C1orf198: variants seen among roughly 807,000 people sequenced by gnomAD.
C1orf198 encodes the protein uncharacterized protein C1orf198.
A neutral mutation model predicts 31.4 loss-of-function variants in C1orf198; 17 were observed. That is an observed-to-expected ratio of 0.54 (90% confidence interval 0.37 to 0.81). C1orf198 has a LOEUF of 0.81. Among genes scored for constraint, C1orf198 ranks in the 40% least tolerant of loss-of-function variants. The pLI, the probability that C1orf198 is intolerant of heterozygous loss-of-function variation, is 0.00. For missense variants in C1orf198, 401 were observed against 450.3 expected, an observed-to-expected ratio of 0.89 and a Z score of 0.99; for synonymous variants, 175 against 193.8, an observed-to-expected ratio of 0.90 and a Z score of 0.81.
At chr1:230,862,472 T>C (rs1670024712) in intron 1 of C1orf198, among the ~76,000 whole-genome samples, 1 of 152,186 alleles carries the variant, frequency 6.6e-6, no homozygotes, top group Non-Finnish European at 1.5e-5. Flanking sequence ...CCAAGATGTG[T>C]TTCAGTTATT....
At position 230,838,841 on chromosome 1, in the gene C1orf198, C is replaced by A. The variant is rs1467443534; in HGVS notation, c.*1011G>T. 1 of 152,470 alleles carries A rather than the reference C, an allele frequency of 6.6e-6. No individual in the cohort carries two copies. Among genetic ancestry groups the A allele is most frequent in the Non-Finnish European group, 1.5e-5 (1 of 68,162 alleles). 9.4% of individuals were successfully genotyped at this position (152,470 alleles called of 1,614,324 possible). ...TCTCCATGGGCACTGCTGAGTTGACCGCAAACTCCACTCTTCCACTTCTGG... is the reference window on the plus strand; with the variant it reads ...TCTCCATGGGCACTGCTGAGTTGACAGCAAACTCCACTCTTCCACTTCTGG... On this transcript the variant is annotated 3_prime_UTR_variant, in exon 4 of 4. Coordinates refer to ENST00000366663, the MANE Select transcript of C1orf198 (RefSeq NM_032800.3). This position sits in a 1 kb window ranked among gnomAD's most constrained non-coding sequence, Gnocchi z 4.2.
intron 2 of C1orf198, among the ~76,000 whole-genome samples, chr1:230,855,017 C>A (rs1669838314): frequency 1.3e-5 from 2 of 152,168 alleles, no homozygotes; most frequent in Non-Finnish European, 2.9e-5. Flanking sequence ...TTCAGAAAAT[C>A]TTGGTCTTTT....
At position 230,840,027 on chromosome 1, in the gene C1orf198, G is replaced by A; in HGVS notation, c.928-119C>T. The A allele has an allele frequency of 3.7e-6, 3 of 819,280 alleles. No individual in the cohort carries two copies. The highest frequency in any genetic ancestry group is 3.6e-5 in the South Asian group (2 of 56,148). 50.8% of individuals were successfully genotyped at this position (819,280 alleles called of 1,614,324 possible). ...TAAAAGAGCCTACTTCTGTCTCAGA[G>A]GTTCCCTGACCTCAATTTATCTCAG... On this transcript the variant is annotated intron_variant, in intron 3 of 3. Coordinates refer to ENST00000366663, the MANE Select transcript of C1orf198 (RefSeq NM_032800.3). The surrounding 1 kb of genome is among the most constrained non-coding windows in gnomAD (Gnocchi z 4.0).
At chr1:230,852,972 G>A (rs187013919) in intron 2 of C1orf198, among the ~76,000 whole-genome samples, 10 of 152,284 alleles carry the variant, frequency 6.6e-5, no homozygotes, top group East Asian at 1.9e-4. Context: ...GTAGGCTTCC[G>A]TTCCCGCACA....
At chr1:230,855,393 C>A (rs533853723) in intron 2 of C1orf198, among the ~76,000 whole-genome samples, 1 of 152,290 alleles carries the variant, frequency 6.6e-6, no homozygotes, top group Admixed American at 6.5e-5. Flanking sequence ...CCAAGCTGGC[C>A]GGGAGTCCTA....
In C1orf198 at chr1:230,843,861, G is replaced by A. The variant is rs149152235; in HGVS notation, c.420C>T (p.Ile140=). Residue 140 remains isoleucine (I), a synonymous_variant, in exon 3 of 4, where the codon ATC becomes ATT. Transcript: ENST00000366663. The surrounding 1 kb of genome is among the most constrained non-coding windows in gnomAD (Gnocchi z 4.9). ...CGGCGGTGCCGTTGCTCGGCTCCTG[G>A]ATGGATAGGGCGGAGATACTGAACT... ...QMEFSISALS[I]QEPSNGTAAS... 2.0e-6 allele frequency: 3 copies of A among 1,533,156 alleles called. No homozygotes were observed. Among genetic ancestry groups the A allele is most frequent in the Non-Finnish European group, 2.6e-6 (3 of 1,143,992 alleles). 95.0% of individuals were successfully genotyped at this position (1,533,156 alleles called of 1,614,324 possible).
intron 2 of C1orf198, among the ~76,000 whole-genome samples, chr1:230,851,777 T>A (rs1572133358): frequency 6.6e-6 from 1 of 152,014 alleles, no homozygotes; most frequent in South Asian, 2.1e-4. Context: ...GAAAACCAGG[T>A]GGGTGCACAG....
intron 1 of C1orf198, among the ~76,000 whole-genome samples, chr1:230,862,787 T>C (rs1670029893): frequency 1.3e-5 from 2 of 152,158 alleles, no homozygotes. Context: ...TAGTGATGGG[T>C]ACATGTCATT....
rs141298145 is a variant in C1orf198 at position 230,859,893 on chromosome 1, G to A, written c.334-4175C>T. Among the ~76,000 whole-genome samples, 916 of 152,108 alleles carry A rather than the reference G, an allele frequency of 6.0e-3. 4 individuals are homozygous for A. Among genetic ancestry groups the A allele is most frequent in the Non-Finnish European group, 1.0e-2 (677 of 68,012 alleles). ...CTGGAATACATGTTTGCATCATATC[G>A]CCAGCGTTTACTTCTTTACTTGTTG... On this transcript the variant is annotated intron_variant, in intron 1 of 3. Transcript: ENST00000366663.
rs1434147794 is a variant in C1orf198 at position 230,838,266 on chromosome 1, A to G, written c.*1586T>C. Reference sequence around the variant, plus strand: ...AACTATACTTAAATGGTACAGAAAGAACCAATATTTGAAAAGTTACAGTAA... The same window carrying G: ...AACTATACTTAAATGGTACAGAAAGGACCAATATTTGAAAAGTTACAGTAA... On this transcript the variant is annotated 3_prime_UTR_variant, in exon 4 of 4. Coordinates refer to ENST00000366663, the MANE Select transcript of C1orf198 (RefSeq NM_032800.3). The surrounding 1 kb of genome is among the most constrained non-coding windows in gnomAD (Gnocchi z 4.2). The G allele has an allele frequency of 6.6e-6, 1 of 152,280 alleles. No individual in the cohort carries two copies. The highest frequency in any genetic ancestry group is 6.5e-5 in the Admixed American group (1 of 15,288). 9.4% of individuals were successfully genotyped at this position (152,280 alleles called of 1,614,324 possible). A position where few individuals can be genotyped will look rare whatever the true frequency, so the allele number is the denominator to read the frequency against.
chr1:230,859,026 C>T (rs1173736453), intron 1 of C1orf198, among the ~76,000 whole-genome samples: 1 of 152,112 alleles, frequency 6.6e-6, no homozygotes, highest in Admixed American at 6.6e-5. Context: ...GGGGCAGATT[C>T]CTTGGGTTTC....
At position 230,860,638 on chromosome 1, in the gene C1orf198, T is replaced by C. The variant is rs78603020; in HGVS notation, c.334-4920A>G. Among the ~76,000 whole-genome samples the C allele has an allele frequency of 7.5e-3, 1,149 of 152,308 alleles. 18 individuals carry two copies. Among genetic ancestry groups the C allele is most frequent in the East Asian group, 0.072 (372 of 5,176 alleles). The stretch of plus-strand genomic sequence containing the variant: ...GATAAAAATCATGTGATTCCACTTA[T>C]ATAAGGTACCTAGAGTAGGCAAAAT... On this transcript the variant is annotated intron_variant, in intron 1 of 3. Coordinates refer to ENST00000366663, the MANE Select transcript of C1orf198 (RefSeq NM_032800.3).
intron 2 of C1orf198, among the ~76,000 whole-genome samples, chr1:230,847,102 CAAAAAAAAAAAAAAAAAA>C (rs71179741): frequency 1.4e-5 from 1 of 69,702 alleles, no homozygotes; most frequent in East Asian, 4.7e-4. Context: ...GACTCCGTCT[CAAAAAAAAAAAAAAAAAA>C]AAAAAAAAAT....
At chr1:230,864,428 A>G (rs759925655) in intron 1 of C1orf198, among the ~76,000 whole-genome samples, 3 of 152,188 alleles carry the variant, frequency 2.0e-5, no homozygotes, top group Non-Finnish European at 4.4e-5. Flanking sequence ...ACAGCTTCAG[A>G]AAAGGAAGCT....
chr1:230,854,636 G>A (rs1441656280), intron 2 of C1orf198, among the ~76,000 whole-genome samples: 1 of 152,164 alleles, frequency 6.6e-6, no homozygotes, highest in Non-Finnish European at 1.5e-5. Context: ...ACTTCACCCA[G>A]GGCAATCGGC....
At chr1:230,867,957 T>C (rs561894047) in intron 1 of C1orf198, among the ~76,000 whole-genome samples, 1 of 151,546 alleles carries the variant, frequency 6.6e-6, no homozygotes, top group East Asian at 1.9e-4. Flanking sequence ...ATGGAGGTTC[T>C]TTAACGACCC....
Position 230,868,250 on chromosome 1 carries a change from G to C in C1orf198, c.263C>G (p.Ser88Trp). ...RAPAPRDPGD[S>W]EELTRFPGLR... ...GCCGGGGAAGCGCGTGAGCTCCTCCGAGTCCCCGGGGTCTCGGGGCGCCGG... is the reference window on the plus strand; with the variant it reads ...GCCGGGGAAGCGCGTGAGCTCCTCCCAGTCCCCGGGGTCTCGGGGCGCCGG... The change falls in exon 1 of 4, where the codon TCG becomes TGG. Residue 88 changes from serine to tryptophan, a missense_variant. Physicochemically the swap from Ser to Trp is radical, Grantham distance 177. Coordinates refer to ENST00000366663, the MANE Select transcript of C1orf198 (RefSeq NM_032800.3). 4 of 1,566,426 alleles carry C rather than the reference G, an allele frequency of 2.6e-6. No individual in the cohort carries two copies. Among genetic ancestry groups the C allele is most frequent in the Non-Finnish European group, 3.5e-6 (4 of 1,158,426 alleles).
chr1:230,843,474 C>G lies in C1orf198; in HGVS notation c.807G>C (p.Gln269His). ...STERERPQPVQAFSSALHEAA... is the reference protein window; with the variant it reads ...STERERPQPVHAFSSALHEAA... ...CCTCGTGCAGTGCACTGCTGAAGGC[C>G]TGGACAGGCTGGGGTCTCTCACGTT... The change falls in exon 3 of 4, where the codon CAG becomes CAC. Residue 269 changes from glutamine to histidine, a missense_variant. By Grantham distance (24) the Gln-to-His change is conservative. Coordinates refer to ENST00000366663, the MANE Select transcript of C1orf198 (RefSeq NM_032800.3). The surrounding 1 kb of genome is among the most constrained non-coding windows in gnomAD (Gnocchi z 4.9). 1 of 1,611,164 alleles carries G rather than the reference C, an allele frequency of 6.2e-7. No homozygotes were observed. The highest frequency in any genetic ancestry group is 1.1e-5 in the South Asian group (1 of 90,476).
intron 1 of C1orf198, among the ~76,000 whole-genome samples, chr1:230,856,342 A>C (rs1669872503): frequency 1.3e-5 from 2 of 152,068 alleles, no homozygotes; most frequent in South Asian, 4.1e-4. Context: ...AGAACTCTGA[A>C]ATCACTCCCC....
Sources: allele counts gnomAD v4.1 joint callset (sites outside exome capture counted in the v4.1 genomes callset), GRCh38; gene constraint gnomAD v4.1.1; non-coding constraint Gnocchi (gnomAD v3.1); transcripts MANE v1.5; gene names NCBI Gene and HGNC (gene_info 2026-07-23, HGNC 2026-07-21).